Variants in HECTD4 observed in about 807,000 individuals in gnomAD.
HECTD4 encodes the protein probable E3 ubiquitin-protein ligase HECTD4.
Under a neutral mutation model 471.5 loss-of-function variants are expected in HECTD4, and 114 were observed. The ratio of observed to expected loss-of-function variants is 0.24; its 90% CI spans 0.21 to 0.28. HECTD4 has a LOEUF of 0.28. Among genes scored for constraint, HECTD4 ranks in the 10% least tolerant of loss-of-function variants. The pLI, the probability that HECTD4 is intolerant of heterozygous loss-of-function variation, is 1.00. For missense variants in HECTD4, 3,866 were observed against 5,651.5 expected, an observed-to-expected ratio of 0.68 and a Z score of 10.13; for synonymous variants, 2,012 against 2,256.0, an observed-to-expected ratio of 0.89 and a Z score of 3.07.
chr12:112,368,580 T>C (rs1594080850), intron 1 of HECTD4, among the ~76,000 whole-genome samples: 1 of 152,344 alleles, frequency 6.6e-6, no homozygotes, highest in South Asian at 2.1e-4. Context: ...TTAAAAATTA[T>C]ATCTTTAAAT....
chr12:112,284,363 G>A (rs527580865), intron 7 of HECTD4, among the ~76,000 whole-genome samples: 2 of 152,322 alleles, frequency 1.3e-5, no homozygotes, highest in East Asian at 3.9e-4. Context: ...GGACTGGCCT[G>A]CAGCTGTGGG....
chr12:112,225,895 T>G (rs971584270), intron 44 of HECTD4, among the ~76,000 whole-genome samples: 5 of 152,174 alleles, frequency 3.3e-5, no homozygotes, highest in Admixed American at 1.3e-4. Context: ...CCCAAGTAGC[T>G]GGGATTACAG....
chr12:112,296,741 GGGTATA>G, intron 7 of HECTD4, among the ~76,000 whole-genome samples: 1 of 150,514 alleles, frequency 6.6e-6, no homozygotes, highest in African/African-American at 2.4e-5. Flanking sequence ...TAGGTGCAGA[GGGTATA>G]GATGCAGTGG....
intron 1 of HECTD4, among the ~76,000 whole-genome samples, chr12:112,345,344 T>C (rs888423450): frequency 6.7e-6 from 1 of 149,672 alleles, no homozygotes; most frequent in African/African-American, 2.4e-5. Flanking sequence ...TGAAACGATA[T>C]GAAAACAATA....
chr12:112,337,515 C>T (rs2035980655), intron 1 of HECTD4, among the ~76,000 whole-genome samples: 1 of 152,018 alleles, frequency 6.6e-6, no homozygotes, highest in East Asian at 1.9e-4. Context: ...TACAAGTAAA[C>T]AAAACAGAAA....
At chr12:112,236,915 TC>T in intron 35 of HECTD4, 29 bp downstream of exon 35, 1 of 1,509,556 alleles carries the variant, frequency 6.6e-7, no homozygotes, top group Non-Finnish European at 8.9e-7. Context: ...AGCCAGCTTC[TC>T]CCAGAGCTCC....
rs762129186 is a variant in HECTD4, at chr12:112,319,435, G to C, written c.485C>G (p.Pro162Arg). The change falls in exon 2 of 76, where the codon CCC becomes CGC. Residue 162 changes from proline to arginine, a missense_variant. This residue lies in a region of HECTD4 where 440 missense variants were observed against 636.0 expected (regional missense o/e 0.69). Transcript: ENST00000682272. The surrounding 1 kb of genome is among the most constrained non-coding windows in gnomAD (Gnocchi z 5.3). Reference sequence around the variant, plus strand: ...CTCAGCAGTTATGTTACAGAGAGAGGGGTCTGTTCTACTCTGGGACTGAAT... The same window carrying C: ...CTCAGCAGTTATGTTACAGAGAGAGCGGTCTGTTCTACTCTGGGACTGAAT... ...PLIQSQSRTD[P>R]SLCNITAEVL... is the part of the protein sequence containing the mutation. 6.5e-7 allele frequency: 1 copy of C among 1,535,910 alleles called. No homozygotes were observed. The highest frequency in any genetic ancestry group is 2.0e-5 in the Admixed American group (1 of 50,976).
intron 48 of HECTD4, among the ~76,000 whole-genome samples, chr12:112,214,371 C>A (rs2032852746): frequency 6.6e-6 from 1 of 152,158 alleles, no homozygotes; most frequent in Non-Finnish European, 1.5e-5. Context: ...TCTCCTATGG[C>A]TTAGGTACCA....
At chr12:112,285,732 AC>A (rs2034739010) in intron 7 of HECTD4, among the ~76,000 whole-genome samples, 1 of 151,738 alleles carries the variant, frequency 6.6e-6, no homozygotes, top group Admixed American at 6.6e-5. Flanking sequence ...CTATTTACAG[AC>A]CCATCCTTGC....
At chr12:112,264,855 C>A (rs2034232068) in intron 16 of HECTD4, among the ~76,000 whole-genome samples, 1 of 152,192 alleles carries the variant, frequency 6.6e-6, no homozygotes, top group Non-Finnish European at 1.5e-5. Context: ...AACTCCACCT[C>A]CTGGGTTCAC....
At chr12:112,195,952 A>C (rs955689868) in intron 55 of HECTD4, among the ~76,000 whole-genome samples, 5 of 152,214 alleles carry the variant, frequency 3.3e-5, no homozygotes, top group South Asian at 2.1e-4. Flanking sequence ...ACTTGAGGTC[A>C]GGAGTTTGAG....
chr12:112,173,194 A>C lies in HECTD4; in HGVS notation c.11595-333T>G, dbSNP rs371067179. ...GCATCAGCCTGCAGTGTGTCACACA[A>C]CTTTTTTCTCCTTAGAGACAAAATC... On this transcript the variant is annotated intron_variant, in intron 66 of 75. Coordinates refer to ENST00000682272, the MANE Select transcript of HECTD4 (RefSeq NM_001388303.1). The surrounding 1 kb of genome is among the most constrained non-coding windows in gnomAD (Gnocchi z 4.3). 6.6e-6 allele frequency among the ~76,000 whole-genome samples: 1 copy of C among 151,994 alleles called. No individual in the cohort carries two copies. Among genetic ancestry groups the C allele is most frequent in the Non-Finnish European group, 1.5e-5 (1 of 68,002 alleles).
intron 4 of HECTD4, 93 bp downstream of exon 4, chr12:112,312,924 T>C (rs2035399653): frequency 2.0e-6 from 2 of 979,598 alleles, no homozygotes; most frequent in Non-Finnish European, 3.0e-6. Context: ...AAAAGGAACA[T>C]ACAGAGTTAT....
At chr12:112,370,656 A>G (rs1375235690) in intron 1 of HECTD4, among the ~76,000 whole-genome samples, 1 of 152,162 alleles carries the variant, frequency 6.6e-6, no homozygotes, top group Non-Finnish European at 1.5e-5. Context: ...ACACGAAAAA[A>G]TTTTCACTAA....
At position 112,334,590 on chromosome 12, in the gene HECTD4, C is replaced by T. The variant is rs1290062180; in HGVS notation, c.178-14848G>A. Among the ~76,000 whole-genome samples, 38 of 143,694 alleles carry T rather than the reference C, an allele frequency of 2.6e-4. 1 individual carries two copies. The highest frequency in any genetic ancestry group is 1.8e-3 in the Admixed American group (25 of 13,850). 94.3% of individuals were successfully genotyped at this position (143,694 alleles called of 152,430 possible). A position where few individuals can be genotyped will look rare whatever the true frequency, so the allele number is the denominator to read the frequency against. On this transcript the variant is annotated intron_variant, in intron 1 of 75. Transcript: ENST00000682272. Reference sequence around the variant, plus strand: ...CGGGCAGATCACGAGGTCAGGAGTTCGAGACCAGCCTGGTCAACACAGTAA... The same window carrying T: ...CGGGCAGATCACGAGGTCAGGAGTTTGAGACCAGCCTGGTCAACACAGTAA...
intron 18 of HECTD4, 132 bp from the exon 19 acceptor site, chr12:112,259,397 G>A: frequency 3.5e-6 from 3 of 849,682 alleles, no homozygotes; most frequent in Non-Finnish European, 5.4e-6. Flanking sequence ...TTCAGCGATA[G>A]CAATTCAGTC....
chr12:112,308,965 AAAC>A, intron 5 of HECTD4, 74 bp from the exon 6 acceptor site: 1 of 1,426,412 alleles, frequency 7.0e-7, no homozygotes, highest in South Asian at 1.4e-5. Context: ...CAACAGACAC[AAAC>A]AACATTTTCG....
At chr12:112,169,266 A>T (rs2031113246) in intron 70 of HECTD4, among the ~76,000 whole-genome samples, 2 of 152,192 alleles carry the variant, frequency 1.3e-5, no homozygotes. Context: ...AGCACCGAGG[A>T]GGGCCCTGAG....
chr12:112,224,334 C>T (rs1000102172), intron 44 of HECTD4, among the ~76,000 whole-genome samples: 5 of 150,834 alleles, frequency 3.3e-5, no homozygotes, highest in South Asian at 2.1e-4. Flanking sequence ...GGCATGATCT[C>T]GGCTCACTGC....
Sources: allele counts gnomAD v4.1 joint callset (sites outside exome capture counted in the v4.1 genomes callset), GRCh38; gene constraint gnomAD v4.1.1; regional missense constraint gnomAD v4.1.1; non-coding constraint Gnocchi (gnomAD v3.1); transcripts MANE v1.5; gene names NCBI Gene and HGNC (gene_info 2026-07-23, HGNC 2026-07-21).